Variants in ALOX5 observed in about 807,000 individuals in gnomAD.
The protein encoded by ALOX5 is polyunsaturated fatty acid 5-lipoxygenase.
In ALOX5, 64 loss-of-function variants were observed where a neutral mutation model predicts 87.9. That is an observed-to-expected ratio of 0.73 (90% CI 0.60 to 0.90). The LOEUF (loss-of-function observed/expected upper bound fraction) is 0.90. ALOX5 is among the 40% of genes least tolerant of loss of function. The probability of loss-of-function intolerance (pLI) is 0.00; values close to 1 mark genes in which losing one functional copy is unlikely to be tolerated. For missense variants in ALOX5, 822 were observed against 907.5 expected, an observed-to-expected ratio of 0.91 and a Z score of 1.21; for synonymous variants, 388 against 355.1, an observed-to-expected ratio of 1.09 and a Z score of -1.04.
intron 3 of ALOX5, among the ~76,000 whole-genome samples, chr10:45,410,717 C>G (rs996471975): frequency 6.6e-6 from 1 of 152,148 alleles, no homozygotes; most frequent in Admixed American, 6.5e-5. Flanking sequence ...AAAGCTAAAA[C>G]CCTAAAATGT....
In ALOX5 at chr10:45,419,146, A is replaced by G. The variant is rs549439429; in HGVS notation, c.555-4895A>G. ...CTATGAGCCCGAGTTTCCCACGTCC[A>G]GGGACAAACTGGGAGCCGTGACTGT... is the stretch of plus-strand genomic sequence containing the variant. On this transcript the variant is annotated intron_variant, in intron 4 of 13. Transcript: ENST00000374391. Among the ~76,000 whole-genome samples, 494 of 152,358 alleles carry G rather than the reference A, an allele frequency of 3.2e-3. 1 individual carries two copies. Among genetic ancestry groups the G allele is most frequent in the African/African-American group, 0.011 (457 of 41,582 alleles).
intron 13 of ALOX5, 126 bp from the exon 14 acceptor site, chr10:45,445,382 G>A (rs1564453500): frequency 1.7e-6 from 2 of 1,161,630 alleles, no homozygotes; most frequent in African/African-American, 3.1e-5. Context: ...GGTGAATATG[G>A]GGAGGTGAAT....
chr10:45,399,601 T>C (rs940189584), intron 3 of ALOX5, among the ~76,000 whole-genome samples: 3 of 152,208 alleles, frequency 2.0e-5, no homozygotes, highest in Admixed American at 1.3e-4. Context: ...CTCTTAGATA[T>C]GGCACCAAGA....
chr10:45,398,267 G>T (rs1170820602), intron 3 of ALOX5, among the ~76,000 whole-genome samples: 1 of 152,136 alleles, frequency 6.6e-6, no homozygotes, highest in Non-Finnish European at 1.5e-5. Context: ...TTCAACAAAT[G>T]GTCCTAGCAA....
At position 45,374,270 on chromosome 10, in the gene ALOX5, G is replaced by A. The variant is rs1588970056; in HGVS notation, c.-10G>A. 1 of 1,469,400 alleles carries A rather than the reference G, an allele frequency of 6.8e-7. No individual in the cohort carries two copies. Among genetic ancestry groups the A allele is most frequent in the South Asian group, 1.3e-5 (1 of 76,040 alleles). 91.0% of individuals were successfully genotyped at this position (1,469,400 alleles called of 1,614,324 possible). A position where few individuals can be genotyped will look rare whatever the true frequency, so the allele number is the denominator to read the frequency against. On this transcript the variant is annotated 5_prime_UTR_variant, in exon 1 of 14. Transcript: ENST00000374391. ...GGCTCCCGGCGCTCGCTGCTCCCGC[G>A]GCCCGCGCCATGCCCTCCTACACGG...
At chr10:45,418,534 C>T (rs1841382219) in intron 4 of ALOX5, among the ~76,000 whole-genome samples, 1 of 152,178 alleles carries the variant, frequency 6.6e-6, no homozygotes, top group Non-Finnish European at 1.5e-5. Context: ...CTTGGAAGGG[C>T]CCCTGCGCTT....
chr10:45,445,054 C>T (rs1468610938), intron 13 of ALOX5, among the ~76,000 whole-genome samples: 1 of 152,244 alleles, frequency 6.6e-6, no homozygotes, highest in Admixed American at 6.5e-5. Flanking sequence ...CAAATAAGCA[C>T]AGGACCCCAA....
At chr10:45,434,775 C>G (rs928118893) in intron 7 of ALOX5, among the ~76,000 whole-genome samples, 2 of 152,176 alleles carry the variant, frequency 1.3e-5, no homozygotes, top group African/African-American at 2.4e-5. Flanking sequence ...AACAAAGAGA[C>G]AGATGTTGAT....
chr10:45,397,732 T>C (rs1260087723), intron 3 of ALOX5, among the ~76,000 whole-genome samples: 2 of 151,902 alleles, frequency 1.3e-5, no homozygotes, highest in Non-Finnish European at 2.9e-5. Flanking sequence ...TAAGAAAAAG[T>C]TCAATTTACA....
intron 2 of ALOX5, among the ~76,000 whole-genome samples, chr10:45,391,039 C>T: frequency 9.1e-6 from 1 of 109,416 alleles, no homozygotes; most frequent in South Asian, 3.9e-4. Context: ...TCCCCTCTCC[C>T]ATCTCCCCTC....
chr10:45,414,978 C>T (rs1327495207), intron 4 of ALOX5, among the ~76,000 whole-genome samples: 2 of 152,244 alleles, frequency 1.3e-5, no homozygotes, highest in Non-Finnish European at 2.9e-5. Context: ...CACTTTTACA[C>T]TGTTGGTGGG....
rs777199179 is a variant in ALOX5, at chr10:45,445,668, C to T, written c.2006C>T (p.Pro669Leu). Residue 669 changes from proline to leucine, a missense_variant, in exon 14 of 14, where the codon CCG becomes CTG. Transcript: ENST00000374391. The part of the protein sequence containing the change: ...PYYYLSPDRI[P>L]NSVAI ...TACTACTTGTCCCCAGACCGGATTCCGAACAGTGTGGCCATCTGAGCACAC... is the reference window on the plus strand; with the variant it reads ...TACTACTTGTCCCCAGACCGGATTCTGAACAGTGTGGCCATCTGAGCACAC... 6 of 1,613,746 alleles carry T rather than the reference C, an allele frequency of 3.7e-6. No individual in the cohort carries two copies. The Admixed American group carries it at 5.0e-5, about 13-fold the overall frequency.
At chr10:45,423,907 G>T (rs375417805) in intron 4 of ALOX5, 134 bp from the exon 5 acceptor site, 2 of 703,066 alleles carry the variant, frequency 2.8e-6, no homozygotes, top group Admixed American at 4.5e-5. Flanking sequence ...GTTCTGAAAA[G>T]CCAGTCACCT....
rs1248379145 is a variant in ALOX5, at chr10:45,395,917, A to G, written c.412A>G (p.Thr138Ala). The change falls in exon 3 of 14, where the codon ACA becomes GCA. Residue 138 changes from threonine to alanine, a missense_variant. Transcript: ENST00000374391. ...LKQHRRKELETRQKQYRWMEW... is the reference protein window; with the variant it reads ...LKQHRRKELEARQKQYRWMEW... ...GCAACACCGACGTAAAGAACTGGAA[A>G]CACGGCAAAAACAATATCGGTGAGT... 1.9e-6 allele frequency: 3 copies of G among 1,614,126 alleles called. No homozygotes were observed. Among genetic ancestry groups the G allele is most frequent in the African/African-American group, 2.7e-5 (2 of 74,946 alleles).
intron 7 of ALOX5, among the ~76,000 whole-genome samples, chr10:45,433,529 G>T (rs545246125): frequency 6.6e-6 from 1 of 152,228 alleles, no homozygotes; most frequent in Non-Finnish European, 1.5e-5. Context: ...CTTAAGACCG[G>T]AACTCCCTGA....
chr10:45,431,193 CTT>C (rs1841891961), intron 7 of ALOX5, among the ~76,000 whole-genome samples: 1 of 152,124 alleles, frequency 6.6e-6, no homozygotes, highest in Admixed American at 6.5e-5. Context: ...AGGAACCTTA[CTT>C]TATATGATAA....
chr10:45,443,813 G>A lies in ALOX5; in HGVS notation c.1659G>A (p.Ala553=), dbSNP rs779127040. ...TCACCGCCTCCGCCCAGCACGCCGC[G>A]GTCAACTTCGGCCAGGTAGGCAGGG... ...VIFTASAQHA[A]VNFGQYDWCS... Residue 553 remains alanine, a synonymous_variant, in exon 12 of 14, where the codon GCG becomes GCA. Transcript: ENST00000374391. 1.2e-6 allele frequency: 2 copies of A among 1,607,434 alleles called. No individual in the cohort carries two copies. The highest frequency in any genetic ancestry group is 1.7e-6 in the Non-Finnish European group (2 of 1,177,456).
In ALOX5 at chr10:45,443,089, A is replaced by C; in HGVS notation, c.1324A>C (p.Lys442Gln). The C allele has an allele frequency of 1.9e-6, 3 of 1,613,696 alleles. No individual in the cohort carries two copies. Among genetic ancestry groups the C allele is most frequent in the Non-Finnish European group, 2.5e-6 (3 of 1,179,978 alleles). ...GHVQMVQRAM[K>Q]DLTYASLCFP... is the part of the protein sequence containing the mutation. Reference sequence around the variant, plus strand: ...CGTGCAGATGGTGCAGAGGGCCATGAAGGACCTGACCTATGCCTCCCTGTG... The same window carrying C: ...CGTGCAGATGGTGCAGAGGGCCATGCAGGACCTGACCTATGCCTCCCTGTG... Residue 442 changes from lysine to glutamine, a missense_variant, in exon 10 of 14, where the codon AAG becomes CAG. By Grantham distance (53) the Lys-to-Gln change is moderately conservative. Coordinates refer to ENST00000374391, the MANE Select transcript of ALOX5 (RefSeq NM_000698.5).
At chr10:45,441,270 G>T in intron 8 of ALOX5, 74 bp from the exon 9 acceptor site, 2 of 1,344,874 alleles carry the variant, frequency 1.5e-6, no homozygotes, top group South Asian at 1.2e-5. Context: ...CCTGGGTGGG[G>T]GAGCTGCGGG....
Sources: gnomAD v4.1 joint callset for allele counts (sites outside exome capture counted in the v4.1 genomes callset) on GRCh38, gnomAD v4.1.1 for gene constraint, MANE v1.5 for transcripts, NCBI Gene and HGNC (gene_info 2026-07-23, HGNC 2026-07-21) for gene names.